Variants in CNTN5 observed in about 807,000 individuals in gnomAD.
CNTN5 encodes the protein contactin 5.
In CNTN5, 77 loss-of-function variants were observed where a neutral mutation model predicts 129.1. The ratio of observed to expected loss-of-function variants is 0.60; its 90% CI spans 0.50 to 0.72. The LOEUF (loss-of-function observed/expected upper bound fraction) is 0.72, where lower values mean the gene tolerates loss of function less well. CNTN5 is among the 30% of genes least tolerant of loss of function. The pLI, the probability that CNTN5 is intolerant of heterozygous loss-of-function variation, is 0.00. For synonymous variants in CNTN5, 509 were observed against 465.6 expected, an observed-to-expected ratio of 1.09 and a Z score of -1.20; for missense variants, 1,478 against 1,328.8, an observed-to-expected ratio of 1.11 and a Z score of -1.75.
At chr11:99,534,917 G>A (rs11220338) in intron 2 of CNTN5, among the ~76,000 whole-genome samples, 37,726 of 151,914 alleles carry the variant, frequency 0.25, 5,156 homozygotes, top group Non-Finnish European at 0.31. Context: ...TGTGAAAGGT[G>A]GTATGTTGGA....
intron 9 of CNTN5, among the ~76,000 whole-genome samples, chr11:100,037,967 T>A (rs192631662): frequency 6.6e-6 from 1 of 152,316 alleles, no homozygotes; most frequent in African/African-American, 2.4e-5. Flanking sequence ...CTCTATTTCC[T>A]TCAGTTCTGC....
chr11:99,834,619 T>A (rs1947246827), intron 4 of CNTN5, among the ~76,000 whole-genome samples: 1 of 152,166 alleles, frequency 6.6e-6, no homozygotes, highest in Non-Finnish European at 1.5e-5. Context: ...AGTTAGAATA[T>A]TCATTAATTT....
chr11:99,481,477 G>T (rs1321650366), intron 2 of CNTN5, among the ~76,000 whole-genome samples: 2 of 152,122 alleles, frequency 1.3e-5, no homozygotes, highest in African/African-American at 4.8e-5. Flanking sequence ...CTGCACTGGT[G>T]ATCAGTAAAA....
chr11:99,270,630 A>T (rs1397652671), intron 1 of CNTN5, among the ~76,000 whole-genome samples: 1 of 151,956 alleles, frequency 6.6e-6, no homozygotes, highest in Non-Finnish European at 1.5e-5. Flanking sequence ...GGAGCACAAA[A>T]TGTTTTTCTA....
At chr11:100,056,917 T>C (rs1409342598) in intron 9 of CNTN5, among the ~76,000 whole-genome samples, 4 of 151,746 alleles carry the variant, frequency 2.6e-5, no homozygotes, top group African/African-American at 9.7e-5. Flanking sequence ...ACAAAAGCTA[T>C]ATAAAAACTA....
intron 1 of CNTN5, among the ~76,000 whole-genome samples, chr11:99,171,465 C>T (rs17133199): frequency 0.022 from 3,292 of 152,264 alleles, 54 homozygotes; most frequent in East Asian, 0.062. Context: ...CCAGCCAATT[C>T]CTCATTGTCA....
At chr11:99,046,337 C>T (rs1347143314) in intron 1 of CNTN5, among the ~76,000 whole-genome samples, 1 of 151,880 alleles carries the variant, frequency 6.6e-6, no homozygotes, top group Admixed American at 6.6e-5. Flanking sequence ...GAGACCCAGT[C>T]TCAAAAAAGA....
chr11:99,634,686 C>A (rs141477116), intron 3 of CNTN5, among the ~76,000 whole-genome samples: 1 of 152,166 alleles, frequency 6.6e-6, no homozygotes, highest in African/African-American at 2.4e-5. Flanking sequence ...CTCTGTCAAA[C>A]ACCTTACATT....
chr11:100,255,855 A>G lies in CNTN5; in HGVS notation c.2101A>G (p.Ile701Val), dbSNP rs371344022. 5.0e-6 allele frequency: 8 copies of G among 1,613,754 alleles called. No individual in the cohort carries two copies. The highest frequency in any genetic ancestry group is 1.3e-5 in the African/African-American group (1 of 74,874). Reference sequence around the variant, plus strand: ...CCCAGCAGCTGACAACCACAGCCCAATCTCCTCCTACAACCTTCAAGCTCG... The same window carrying G: ...CCCAGCAGCTGACAACCACAGCCCAGTCTCCTCCTACAACCTTCAAGCTCG... ...WSPAADNHSP[I>V]SSYNLQARSP... is the part of the protein sequence containing the mutation. The change falls in exon 17 of 25, where the codon ATC becomes GTC. Residue 701 changes from isoleucine (I) to valine (V), a missense_variant. By Grantham distance (29) the Ile-to-Val change is conservative (BLOSUM62 3). Transcript: ENST00000524871.
intron 13 of CNTN5, among the ~76,000 whole-genome samples, chr11:100,143,496 C>A (rs1378411435): frequency 2.0e-5 from 3 of 152,070 alleles, no homozygotes; most frequent in African/African-American, 7.2e-5. Context: ...ATCTCTTTTT[C>A]TCTTGGGTCA....
rs188070641 is a variant in CNTN5 at position 99,662,271 on chromosome 11, T to A, written c.55+106002T>A. Among the ~76,000 whole-genome samples the A allele has an allele frequency of 2.2e-3, 339 of 152,248 alleles. 1 individual carries two copies. The highest frequency in any genetic ancestry group is 7.4e-3 in the African/African-American group (309 of 41,578). Reference sequence around the variant, plus strand: ...TAAAATTAGCAGCAGTGCAAGTGACTAATAAGGGGGGATTGATTAGGAATA... The same window carrying A: ...TAAAATTAGCAGCAGTGCAAGTGACAAATAAGGGGGGATTGATTAGGAATA... On this transcript the variant is annotated intron_variant, in intron 3 of 24. Transcript: ENST00000524871.
chr11:99,463,696 T>C (rs893371522), intron 2 of CNTN5, among the ~76,000 whole-genome samples: 2 of 152,128 alleles, frequency 1.3e-5, no homozygotes, highest in Non-Finnish European at 2.9e-5. Context: ...TTCCTTTGCA[T>C]GATTTGTAAT....
Position 100,340,662 on chromosome 11 carries a change from G to C in CNTN5, c.2917+13G>C, listed in dbSNP as rs1012655978. 5.7e-6 allele frequency: 9 copies of C among 1,578,684 alleles called. No homozygotes were observed. The highest frequency in any genetic ancestry group is 7.7e-6 in the Non-Finnish European group (9 of 1,165,346). On this transcript the variant is annotated intron_variant, in intron 22 of 24. Transcript: ENST00000524871. The stretch of plus-strand genomic sequence containing the variant: ...ACCAAGAAATCCCGTAAGTGACCTG[G>C]GCTTTTTGTTTGTTTCAGACAAAGG...
intron 6 of CNTN5, among the ~76,000 whole-genome samples, chr11:99,873,315 T>C (rs1314845452): frequency 1.3e-5 from 2 of 149,124 alleles, no homozygotes; most frequent in Non-Finnish European, 3.0e-5. Context: ...TATTTGAAAA[T>C]GATGCCTCAG....
intron 2 of CNTN5, among the ~76,000 whole-genome samples, chr11:99,524,039 C>T (rs923106798): frequency 2.0e-5 from 3 of 151,886 alleles, no homozygotes; most frequent in Admixed American, 6.6e-5. Context: ...GGAGAAATGA[C>T]AAGAAATTTG....
At chr11:99,963,367 T>C (rs1275715270) in intron 8 of CNTN5, among the ~76,000 whole-genome samples, 1 of 152,200 alleles carries the variant, frequency 6.6e-6, no homozygotes, top group Non-Finnish European at 1.5e-5. Flanking sequence ...AGTTTCAGCT[T>C]TCTACATATG....
chr11:99,082,613 T>C lies in CNTN5; in HGVS notation c.-210+61343T>C, dbSNP rs575503591. 7.8e-4 allele frequency among the ~76,000 whole-genome samples: 119 copies of C among 152,210 alleles called. 1 individual carries two copies. The highest frequency in any genetic ancestry group is 2.2e-4 in the Non-Finnish European group (15 of 68,030). On this transcript the variant is annotated intron_variant, in intron 1 of 24. Transcript: ENST00000524871. ...CAAGGAAGAAAACCTTTAACTTATATTTCCCAATTCTTTGGCCTGTGAGTT... is the reference window on the plus strand; with the variant it reads ...CAAGGAAGAAAACCTTTAACTTATACTTCCCAATTCTTTGGCCTGTGAGTT...
chr11:99,524,447 C>A (rs1056543474), intron 2 of CNTN5, among the ~76,000 whole-genome samples: 2 of 152,072 alleles, frequency 1.3e-5, no homozygotes, highest in Non-Finnish European at 2.9e-5. Flanking sequence ...CTATTTGTGA[C>A]AAATCACCAA....
chr11:99,851,079 A>G (rs894104553), intron 6 of CNTN5, among the ~76,000 whole-genome samples: 13 of 151,968 alleles, frequency 8.6e-5, no homozygotes, highest in African/African-American at 2.4e-4. Flanking sequence ...GTAGTGGTTC[A>G]TCCACCCCCA....
Sources: gnomAD v4.1 joint callset for allele counts (sites outside exome capture counted in the v4.1 genomes callset) on GRCh38, gnomAD v4.1.1 for gene constraint, MANE v1.5 for transcripts, NCBI Gene and HGNC (gene_info 2026-07-23, HGNC 2026-07-21) for gene names.